TMEM165: variants seen among roughly 807,000 people sequenced by gnomAD.
TMEM165 encodes putative divalent cation/proton antiporter TMEM165.
Under a neutral mutation model 30.0 loss-of-function variants are expected in TMEM165, and 19 were observed. The observed-to-expected ratio is 0.63, with a 90% CI of 0.44 to 0.93. The LOEUF is 0.93. Ranked by LOEUF, TMEM165 falls within the 40% of genes least tolerant of loss-of-function variation. TMEM165 has a pLI of 0.00. For synonymous variants in TMEM165, 168 were observed against 162.9 expected, an observed-to-expected ratio of 1.03 and a Z score of -0.24; for missense variants, 340 against 417.0, an observed-to-expected ratio of 0.82 and a Z score of 1.61.
At position 55,396,270 on chromosome 4, in the gene TMEM165, C is replaced by T; in HGVS notation, c.81C>T (p.Ala27=). 5 of 1,521,156 alleles carry T rather than the reference C, an allele frequency of 3.3e-6. No individual in the cohort carries two copies. Among genetic ancestry groups the T allele is most frequent in the Non-Finnish European group, 4.4e-6 (5 of 1,140,818 alleles). 94.2% of individuals were successfully genotyped at this position (1,521,156 alleles called of 1,614,324 possible). A position where few individuals can be genotyped will look rare whatever the true frequency, so the allele number is the denominator to read the frequency against. Residue 27 remains alanine (A), a synonymous_variant, in exon 1 of 6, where the codon GCC becomes GCT. Transcript: ENST00000381334. ...TCTTTCTGGTTCCGCTGCTGTGGGC[C>T]CCGGCTGCGGTCCGGGCCGGCCCAG... ...LLLFLVPLLW[A]PAAVRAGPDE... is the part of the protein sequence containing the mutation.
intron 1 of TMEM165, among the ~76,000 whole-genome samples, chr4:55,406,076 C>T (rs1172686363): frequency 6.6e-6 from 1 of 152,186 alleles, no homozygotes; most frequent in Non-Finnish European, 1.5e-5. Flanking sequence ...CTGAAACTTC[C>T]CAGGAGGCTT....
intron 3 of TMEM165, among the ~76,000 whole-genome samples, chr4:55,445,474 G>A (rs1002074682): frequency 6.6e-6 from 1 of 151,952 alleles, no homozygotes; most frequent in Non-Finnish European, 1.5e-5. Flanking sequence ...CATGGGGGAA[G>A]AGGAGGTTAG....
chr4:55,448,601 C>CGCGCGCGT (rs764071880), intron 3 of TMEM165, among the ~76,000 whole-genome samples: 260 of 117,020 alleles, frequency 2.2e-3, no homozygotes, highest in Non-Finnish European at 2.7e-3. Flanking sequence ...CGCACGCGCG[C>CGCGCGCGT]GTGTGTGTGT....
intron 1 of TMEM165, among the ~76,000 whole-genome samples, chr4:55,406,721 G>T (rs1260382440): frequency 6.6e-6 from 1 of 151,684 alleles, no homozygotes; most frequent in African/African-American, 2.4e-5. Flanking sequence ...GTGCAGTGAT[G>T]TCATCTCTGC....
At chr4:55,450,349 C>G in intron 3 of TMEM165, 1 of 1,127,592 alleles carries the variant, frequency 8.9e-7, no homozygotes, top group Non-Finnish European at 1.3e-6. Flanking sequence ...GGCAAAAGTA[C>G]CTGTATGTAC....
At chr4:55,401,497 C>T (rs899553660) in intron 1 of TMEM165, among the ~76,000 whole-genome samples, 1 of 150,708 alleles carries the variant, frequency 6.6e-6, no homozygotes, top group African/African-American at 2.5e-5. Flanking sequence ...GGTTGCATAG[C>T]ACTTCTAATA....
intron 3 of TMEM165, among the ~76,000 whole-genome samples, chr4:55,446,098 CTTCT>C (rs1210032251): frequency 3.0e-5 from 3 of 101,310 alleles, no homozygotes; most frequent in Admixed American, 2.4e-4. Context: ...AAAAATTTAA[CTTCT>C]TTTTTTTTTT....
chr4:55,441,432 T>C (rs1325616989), intron 3 of TMEM165, among the ~76,000 whole-genome samples: 6 of 152,162 alleles, frequency 3.9e-5, no homozygotes, highest in Admixed American at 3.3e-4. Context: ...CCTGCATACA[T>C]ATGGCTATCG....
At chr4:55,419,437 C>T (rs778977068) in intron 4 of TMEM165, among the ~76,000 whole-genome samples, 11 of 152,184 alleles carry the variant, frequency 7.2e-5, no homozygotes, top group Non-Finnish European at 1.2e-4. Context: ...CCAGAGAGAT[C>T]GGGTGACTTG....
chr4:55,451,340 T>TAAA (rs1247180641), intron 3 of TMEM165, among the ~76,000 whole-genome samples: 3 of 152,232 alleles, frequency 2.0e-5, no homozygotes, highest in Non-Finnish European at 4.4e-5. Flanking sequence ...TCCTCACTGA[T>TAAA]ACTCTTGTCT....
At chr4:55,405,641 G>A (rs887758340) in intron 1 of TMEM165, among the ~76,000 whole-genome samples, 4 of 151,986 alleles carry the variant, frequency 2.6e-5, no homozygotes, top group East Asian at 1.9e-4. Flanking sequence ...CCCCCATCCC[G>A]CCTACCTTTT....
At chr4:55,420,890 GT>G (rs1721947501) in intron 4 of TMEM165, among the ~76,000 whole-genome samples, 1 of 152,096 alleles carries the variant, frequency 6.6e-6, no homozygotes, top group Non-Finnish European at 1.5e-5. Flanking sequence ...TATCCCTGTC[GT>G]TTTGTTTTTT....
rs1378198131 is a variant in TMEM165 at position 55,401,932 on chromosome 4, CATG to C, written c.207+5541_207+5543del. On this transcript the variant is annotated intron_variant, in intron 1 of 5. Coordinates refer to ENST00000381334, the MANE Select transcript of TMEM165 (RefSeq NM_018475.5). The stretch of plus-strand genomic sequence containing the variant: ...AAGAGTTCTAGACCAGCCTGGCCAA[CATG>C]ATGAAACCCCATCTCTACTGAAAAT... Among the ~76,000 whole-genome samples the C allele has an allele frequency of 2.0e-5, 3 of 149,788 alleles. 1 individual carries two copies. Among genetic ancestry groups the C allele is most frequent in the African/African-American group, 7.6e-5 (3 of 39,314 alleles).
intron 3 of TMEM165, chr4:55,449,017 A>G: frequency 1.5e-6 from 1 of 672,582 alleles, no homozygotes; most frequent in Non-Finnish European, 2.6e-6. Flanking sequence ...CTTCTCATCT[A>G]TATTGGAAAG....
chr4:55,397,858 T>C (rs980655037), intron 1 of TMEM165, among the ~76,000 whole-genome samples: 4 of 152,042 alleles, frequency 2.6e-5, no homozygotes, highest in African/African-American at 7.2e-5. Context: ...CTCAGCCTCC[T>C]GAGTGGCTGG....
Position 55,444,834 on chromosome 4 carries a change from C to G in TMEM165, c.409-7405C>G, listed in dbSNP as rs775521266. On this transcript the variant is annotated intron_variant, in intron 3 of 3. Transcript: ENST00000608091. Reference sequence around the variant, plus strand: ...GTGTAATATATTTTAGAATTACTTACTCCTTATAATTGCACAACATGAAAA... The same window carrying G: ...GTGTAATATATTTTAGAATTACTTAGTCCTTATAATTGCACAACATGAAAA... The G allele has an allele frequency of 1.9e-6, 3 of 1,570,612 alleles. No homozygotes were observed. In the East Asian group the frequency reaches 6.9e-5, roughly 36 times the overall value.
exon 4 of TMEM165, chr4:55,452,726 A>G (rs182140930): frequency 2.3e-3 from 452 of 194,402 alleles, no homozygotes; most frequent in Non-Finnish European, 3.8e-3. Flanking sequence ...CAGTATTTTC[A>G]AAGTGGGGAT....
chr4:55,418,882 T>A (rs1721850332), intron 4 of TMEM165, among the ~76,000 whole-genome samples: 1 of 151,918 alleles, frequency 6.6e-6, no homozygotes, highest in Non-Finnish European at 1.5e-5. Flanking sequence ...CCCCTACTAC[T>A]AAAAATACAA....
downstream of TMEM165, chr4:55,430,086 T>G (rs756128471): frequency 7.9e-5 from 12 of 152,230 alleles, no homozygotes; most frequent in Non-Finnish European, 1.6e-4. Flanking sequence ...ATAAATACAT[T>G]TAGCCATTTT....
Sources: allele counts gnomAD v4.1 joint callset (sites outside exome capture counted in the v4.1 genomes callset), GRCh38; gene constraint gnomAD v4.1.1; transcripts MANE v1.5; gene names NCBI Gene and HGNC (gene_info 2026-07-23, HGNC 2026-07-21).